The following MYO16 variants were observed in gnomAD, a reference collection of about 807,000 sequenced individuals.
MYO16 encodes myosin XVI.
Under a neutral mutation model 205.3 loss-of-function variants are expected in MYO16, and 94 were observed. The ratio of observed to expected loss-of-function variants is 0.46; its 90% CI spans 0.39 to 0.54. MYO16 has a LOEUF of 0.54. Among genes scored for constraint, MYO16 ranks in the 20% least tolerant of loss-of-function variants. The probability of loss-of-function intolerance (pLI) is 0.00; values close to 1 mark genes in which losing one functional copy is unlikely to be tolerated. For synonymous variants in MYO16, 988 were observed against 954.0 expected, an observed-to-expected ratio of 1.04 and a Z score of -0.66; for missense variants, 2,315 against 2,387.5, an observed-to-expected ratio of 0.97 and a Z score of 0.63.
chr13:108,851,683 T>A (rs1461125565), intron 10 of MYO16, among the ~76,000 whole-genome samples: 1 of 152,172 alleles, frequency 6.6e-6, no homozygotes, highest in African/African-American at 2.4e-5. Context: ...CTTAAATTAA[T>A]CAAAGTCCAA....
intron 15 of MYO16, among the ~76,000 whole-genome samples, chr13:108,906,768 G>T (rs1165441627): frequency 6.6e-6 from 1 of 152,096 alleles, no homozygotes; most frequent in Non-Finnish European, 1.5e-5. Flanking sequence ...GTCCAGAGGG[G>T]CCTTGGGACA....
intron 27 of MYO16, among the ~76,000 whole-genome samples, chr13:109,058,065 C>T (rs990876651): frequency 1.3e-5 from 2 of 152,114 alleles, no homozygotes; most frequent in African/African-American, 4.8e-5. Context: ...CTCCCCACCC[C>T]AAGTTCAGAT....
At chr13:108,499,451 C>T in the MYO16 span, among the ~76,000 whole-genome samples, 1 of 152,206 alleles carries the variant, frequency 6.6e-6, no homozygotes, top group Non-Finnish European at 1.5e-5. Context: ...GAGTCATTTA[C>T]AGGAGCACAC....
chr13:108,729,927 T>C (rs1309749855), intron 4 of MYO16, among the ~76,000 whole-genome samples: 2 of 152,208 alleles, frequency 1.3e-5, no homozygotes, highest in Non-Finnish European at 1.5e-5. Flanking sequence ...CAGCCCTGAA[T>C]TGATGAACCA....
chr13:108,940,528 G>A (rs1357008522), intron 16 of MYO16, among the ~76,000 whole-genome samples: 3 of 152,160 alleles, frequency 2.0e-5, no homozygotes, highest in African/African-American at 4.8e-5. Flanking sequence ...TTATGATCTT[G>A]GGAATTCTTC....
upstream of MYO16, among the ~76,000 whole-genome samples, chr13:108,628,029 T>A (rs1378107263): frequency 6.6e-6 from 1 of 152,238 alleles, no homozygotes; most frequent in Non-Finnish European, 1.5e-5. Flanking sequence ...TGTAAAGATT[T>A]GTATTGATTT....
At chr13:108,819,017 A>T (rs573632933) in intron 7 of MYO16, among the ~76,000 whole-genome samples, 39 of 152,264 alleles carry the variant, frequency 2.6e-4, no homozygotes, top group Non-Finnish European at 4.4e-4. Context: ...TAGGAGTGTA[A>T]ATCTGAGCAA....
intron 4 of MYO16, among the ~76,000 whole-genome samples, chr13:108,739,164 T>C (rs917608822): frequency 6.6e-6 from 1 of 152,182 alleles, no homozygotes; most frequent in African/African-American, 2.4e-5. Context: ...ATGTGTGAAT[T>C]TGATCCTGTC....
intron 7 of MYO16, among the ~76,000 whole-genome samples, chr13:108,819,574 A>G (rs893460459): frequency 7.2e-5 from 11 of 152,158 alleles, no homozygotes; most frequent in African/African-American, 2.7e-4. Flanking sequence ...TGTTGAGTAC[A>G]TATTTTTAAA....
intron 6 of MYO16, among the ~76,000 whole-genome samples, chr13:108,794,810 G>A (rs1002615695): frequency 6.6e-6 from 1 of 152,062 alleles, no homozygotes; most frequent in Non-Finnish European, 1.5e-5. Context: ...AGGGAATTTG[G>A]AGTTCTGAAG....
the MYO16 span, among the ~76,000 whole-genome samples, chr13:108,579,545 A>G: frequency 6.6e-6 from 1 of 151,710 alleles, no homozygotes; most frequent in East Asian, 1.9e-4. Context: ...GGTTCAAGCA[A>G]TTCTCCTGCC....
intron 4 of MYO16, among the ~76,000 whole-genome samples, chr13:108,748,582 TA>T (rs1885134457): frequency 6.6e-6 from 1 of 152,086 alleles, no homozygotes; most frequent in African/African-American, 2.4e-5. Flanking sequence ...ATGCTTATTA[TA>T]AGACTACAGT....
At chr13:108,964,612 G>T in intron 19 of MYO16, 149 bp from the exon 20 acceptor site, 1 of 823,038 alleles carries the variant, frequency 1.2e-6, no homozygotes, top group South Asian at 1.9e-5. Flanking sequence ...AATAACTGAC[G>T]GAGACCTCAT....
chr13:108,956,072 A>G (rs1018052788), intron 16 of MYO16, among the ~76,000 whole-genome samples: 1 of 152,098 alleles, frequency 6.6e-6, no homozygotes, highest in African/African-American at 2.4e-5. Context: ...CCAGATCTTT[A>G]TAGCTATTAT....
chr13:108,603,635 T>A (rs1878847633), intron 1 of MYO16, among the ~76,000 whole-genome samples: 2 of 152,188 alleles, frequency 1.3e-5, no homozygotes, highest in Admixed American at 1.3e-4. Flanking sequence ...CTGAGTTCAT[T>A]TGAATGGCTT....
intron 16 of MYO16, among the ~76,000 whole-genome samples, chr13:108,917,516 A>G (rs1462859617): frequency 6.6e-6 from 1 of 152,214 alleles, no homozygotes; most frequent in East Asian, 1.9e-4. Context: ...ACTCTGGCCA[A>G]ACTTATCACC....
intron 4 of MYO16, among the ~76,000 whole-genome samples, chr13:108,741,028 C>G (rs1319752616): frequency 6.6e-6 from 1 of 152,144 alleles, no homozygotes; most frequent in Admixed American, 6.5e-5. Context: ...CAGGTGCTGT[C>G]TGTCATGGCT....
intron 34 of MYO16, among the ~76,000 whole-genome samples, chr13:109,199,975 G>A (rs1039595912): frequency 7.9e-5 from 12 of 152,132 alleles, no homozygotes; most frequent in African/African-American, 2.9e-4. Flanking sequence ...ATTCATGATT[G>A]TATTTGTTTG....
At chr13:108,659,895 C>G (rs961744519) in intron 1 of MYO16, among the ~76,000 whole-genome samples, 1 of 151,912 alleles carries the variant, frequency 6.6e-6, no homozygotes, top group East Asian at 1.9e-4. Flanking sequence ...TTTAGGAAAT[C>G]GATTAGTATA....
Sources: gnomAD v4.1 joint callset for allele counts (sites outside exome capture counted in the v4.1 genomes callset) on GRCh38, gnomAD v4.1.1 for gene constraint, MANE v1.5 for transcripts, NCBI Gene and HGNC (gene_info 2026-07-23, HGNC 2026-07-21) for gene names.